The following ACACB variants were observed in gnomAD, a reference collection of about 807,000 sequenced individuals.
ACACB encodes the protein acetyl-CoA carboxylase 2.
A neutral mutation model predicts 278.8 loss-of-function variants in ACACB; 209 were observed. The observed-to-expected ratio is 0.75, with a 90% CI of 0.67 to 0.84. The LOEUF (loss-of-function observed/expected upper bound fraction) is 0.84. Among genes scored for constraint, ACACB ranks in the 40% least tolerant of loss-of-function variants. The probability of loss-of-function intolerance (pLI) is 0.00; values close to 1 mark genes in which losing one functional copy is unlikely to be tolerated. For synonymous variants in ACACB, 1,174 were observed against 1,285.6 expected (o/e 0.91, Z 1.86); for missense variants, 2,850 against 3,269.0 (o/e 0.87, Z 3.13).
Position 109,253,128 on chromosome 12 carries a change from C to T in ACACB, c.6015C>T (p.Thr2005=), listed in dbSNP as rs776692923. 21 of 1,602,114 alleles carry T rather than the reference C, an allele frequency of 1.3e-5. No individual in the cohort carries two copies. In the Middle Eastern group the frequency reaches 2.8e-3, roughly 215 times the overall value. Residue 2005 remains threonine, a synonymous_variant, in exon 43 of 53, where the codon ACC becomes ACT. Transcript: ENST00000338432. ...TVPDDFEGVY[T]ILEWLSYMPK... is the part of the protein sequence containing the mutation. Reference sequence around the variant, plus strand: ...CAGATGACTTTGAGGGGGTTTATACCATCCTGGAGTGGCTGTCCTATATGC... The same window carrying T: ...CAGATGACTTTGAGGGGGTTTATACTATCCTGGAGTGGCTGTCCTATATGC...
At chr12:109,140,139 G>A in intron 2 of ACACB, 81 bp downstream of exon 2, 2 of 1,429,940 alleles carry the variant, frequency 1.4e-6, no homozygotes, top group Non-Finnish European at 1.8e-6. Context: ...TGCCCACCTT[G>A]ATCAAGCTGT....
rs374114653 is a variant in ACACB at position 109,189,882 on chromosome 12, G to A, written c.2144+1720G>A. 1.5e-3 allele frequency among the ~76,000 whole-genome samples: 234 copies of A among 152,178 alleles called. 1 individual carries two copies. Among genetic ancestry groups the A allele is most frequent in the South Asian group, 4.2e-3 (20 of 4,814 alleles). On this transcript the variant is annotated intron_variant, in intron 13 of 52. Coordinates refer to ENST00000338432, the MANE Select transcript of ACACB (RefSeq NM_001093.4). The stretch of plus-strand genomic sequence containing the variant: ...TCCCAGCACTTTGGGAGGCCAAGGC[G>A]GGCAGATCACTTGAAGCCAGGAGTT...
intron 34 of ACACB, 96 bp downstream of exon 34, chr12:109,237,476 A>T: frequency 2.3e-6 from 3 of 1,305,106 alleles, no homozygotes; most frequent in Non-Finnish European, 3.2e-6. Flanking sequence ...CATGCTGGGG[A>T]TGGAGAGTAC....
At chr12:109,168,169 T>C in intron 4 of ACACB, 135 bp downstream of exon 4, 2 of 982,684 alleles carry the variant, frequency 2.0e-6, no homozygotes, top group Non-Finnish European at 2.9e-6. Context: ...TTATTTGTCC[T>C]TCCTTCTTTA....
chr12:109,248,905 T>C (rs2047021352), intron 40 of ACACB: 1 of 152,254 alleles, frequency 6.6e-6, no homozygotes, highest in South Asian at 2.1e-4. Flanking sequence ...TTTTGATTGA[T>C]TGATTGTGAA....
chr12:109,118,141 T>C (rs1256170620), intron 1 of ACACB, among the ~76,000 whole-genome samples: 2 of 152,214 alleles, frequency 1.3e-5, no homozygotes, highest in Non-Finnish European at 2.9e-5. Context: ...AAGTTTTAAG[T>C]GGAAAGACCC....
chr12:109,194,127 C>T (rs1370168004), intron 16 of ACACB, among the ~76,000 whole-genome samples: 1 of 152,164 alleles, frequency 6.6e-6, no homozygotes, highest in South Asian at 2.1e-4. Flanking sequence ...GTGCTGCTGG[C>T]AGTCCCTGGT....
rs201767549 is a variant in ACACB, at chr12:109,139,711, C to T, written c.306C>T (p.Asn102=). Residue 102 remains asparagine (N), a synonymous_variant, in exon 2 of 53, where the codon AAC becomes AAT. Coordinates refer to ENST00000338432, the MANE Select transcript of ACACB (RefSeq NM_001093.4). The part of the protein sequence containing the change: ...LPPSHQKPPR[N]PLSSSDAAPS... The stretch of plus-strand genomic sequence containing the variant: ...CCTCCCACCAGAAGCCCCCAAGAAA[C>T]CCCCTTTCTTCCAGTGACGCAGCAC... 1 of 1,614,076 alleles carries T rather than the reference C, an allele frequency of 6.2e-7. No individual in the cohort carries two copies. Among genetic ancestry groups the T allele is most frequent in the Admixed American group, 1.7e-5 (1 of 59,994 alleles).
intron 2 of ACACB, among the ~76,000 whole-genome samples, chr12:109,165,517 T>A (rs1250514512): frequency 6.6e-6 from 1 of 152,020 alleles, no homozygotes; most frequent in Non-Finnish European, 1.5e-5. Flanking sequence ...GTACTGGGAA[T>A]CTATTAGGAG....
At chr12:109,199,752 G>A (rs976211520) in intron 18 of ACACB, among the ~76,000 whole-genome samples, 200 bp downstream of exon 18, 15 of 152,308 alleles carry the variant, frequency 9.8e-5, no homozygotes, top group African/African-American at 2.2e-4. Flanking sequence ...GGTGGTTCAC[G>A]CCTGTAATCC....
At chr12:109,121,366 G>A (rs1309006667) in intron 1 of ACACB, among the ~76,000 whole-genome samples, 1 of 152,168 alleles carries the variant, frequency 6.6e-6, no homozygotes, top group Non-Finnish European at 1.5e-5. Context: ...AAGGGGTCGG[G>A]GGAGATGAAG....
intron 24 of ACACB, among the ~76,000 whole-genome samples, chr12:109,219,122 G>A (rs868672757): frequency 5.3e-5 from 8 of 152,022 alleles, no homozygotes; most frequent in African/African-American, 9.7e-5. Context: ...GCTTGAGGAC[G>A]TCCACCCCCT....
rs537612085 is a variant in ACACB at position 109,205,433 on chromosome 12, AG to A, written c.2914-1273del. Among the ~76,000 whole-genome samples the A allele has an allele frequency of 5.9e-4, 89 of 150,220 alleles. 1 individual carries two copies. In the South Asian group the frequency reaches 6.9e-3, roughly 12 times the overall value. On this transcript the variant is annotated intron_variant, in intron 19 of 52. Transcript: ENST00000338432. The stretch of plus-strand genomic sequence containing the variant: ...TGGAGAAGCTATGATCAGATTGTGT[AG>A]GGGAAAACCCTCAAGTCAGCTTTTT...
chr12:109,217,626 C>G (rs1323934430), intron 24 of ACACB, among the ~76,000 whole-genome samples: 1 of 152,120 alleles, frequency 6.6e-6, no homozygotes, highest in South Asian at 2.1e-4. Flanking sequence ...TAGGGAGACC[C>G]CCATCTCTAC....
intron 40 of ACACB, chr12:109,248,902 T>C (rs925819776): frequency 1.3e-5 from 2 of 152,242 alleles, no homozygotes; most frequent in African/African-American, 2.4e-5. Flanking sequence ...AATTTTTGAT[T>C]GATTGATTGT....
At chr12:109,261,888 A>C (rs941343959) in intron 48 of ACACB, among the ~76,000 whole-genome samples, 1 of 151,656 alleles carries the variant, frequency 6.6e-6, no homozygotes, top group Non-Finnish European at 1.5e-5. Flanking sequence ...AACAAAAAAA[A>C]AAAAAAAGAA....
chr12:109,172,265 G>A lies in ACACB; in HGVS notation c.1036-10G>A, dbSNP rs1354348200. 1 of 1,613,280 alleles carries A rather than the reference G, an allele frequency of 6.2e-7. No individual in the cohort carries two copies. The highest frequency in any genetic ancestry group is 1.3e-5 in the African/African-American group (1 of 74,876). ...GGAAGATTGTTGCTCACCCCTTTCT[G>A]TGTTTGCAGGCGGTGTGGGCTGGCT... On this transcript the variant is annotated splice_polypyrimidine_tract_variant and intron_variant, in intron 5 of 52. Transcript: ENST00000338432.
chr12:109,172,442 TGTAAAGCGGAGGTCC>T, intron 6 of ACACB, 86 bp downstream of exon 6: 1 of 1,283,820 alleles, frequency 7.8e-7, no homozygotes, highest in Non-Finnish European at 1.1e-6. Flanking sequence ...CCTCCTGTCC[TGTAAAGCGGAGGTCC>T]GTTTGATTTC....
rs753913766 is a variant in ACACB, at chr12:109,206,780, T to C, written c.2984T>C (p.Val995Ala). 1 of 1,614,140 alleles carries C rather than the reference T, an allele frequency of 6.2e-7. No individual in the cohort carries two copies. The highest frequency in any genetic ancestry group is 1.1e-5 in the South Asian group (1 of 91,080). The change falls in exon 20 of 53, where the codon GTC becomes GCC. Residue 995 changes from valine to alanine, a missense_variant. Val to Ala is a moderately conservative substitution (Grantham distance 64, BLOSUM62 0). Transcript: ENST00000338432. ...ATCCTCGGAGAGAAACTGCACCAGG[T>C]CTTCCACAGCGTCCTGGAAAACCTC... Reference protein sequence around the residue: ...LPILGEKLHQVFHSVLENLTN... With the variant: ...LPILGEKLHQAFHSVLENLTN...
Sources: gnomAD v4.1 joint callset for allele counts (sites outside exome capture counted in the v4.1 genomes callset) on GRCh38, gnomAD v4.1.1 for gene constraint, MANE v1.5 for transcripts, NCBI Gene and HGNC (gene_info 2026-07-23, HGNC 2026-07-21) for gene names.